B3GALNT2: variants seen among roughly 807,000 people sequenced by gnomAD.
B3GALNT2 encodes UDP-GalNAc:beta-1,3-N-acetylgalactosaminyltransferase 2.
A neutral mutation model predicts 61.1 loss-of-function variants in B3GALNT2; 53 were observed. The ratio of observed to expected loss-of-function variants is 0.87; its 90% CI spans 0.70 to 1.09. The LOEUF (loss-of-function observed/expected upper bound fraction) is 1.09, where lower values mean the gene tolerates loss of function less well. Ranked by LOEUF, B3GALNT2 falls within the 50% of genes least tolerant of loss-of-function variation. The pLI is 0.00. For synonymous variants in B3GALNT2, 223 were observed against 237.4 expected, an observed-to-expected ratio of 0.94 and a Z score of 0.56; for missense variants, 544 against 623.0, an observed-to-expected ratio of 0.87 and a Z score of 1.35.
chr1:235,446,797 A>C (rs1171092436), downstream of B3GALNT2, among the ~76,000 whole-genome samples: 1 of 151,018 alleles, frequency 6.6e-6, no homozygotes, highest in East Asian at 2.0e-4. Flanking sequence ...TCCTGGGCTC[A>C]AGTGATCCTC....
chr1:235,453,549 G>A (rs1683027408), intron 10 of B3GALNT2, among the ~76,000 whole-genome samples: 1 of 152,014 alleles, frequency 6.6e-6, no homozygotes, highest in East Asian at 1.9e-4. Context: ...TCCGCCTCCG[G>A]GTTCACATGA....
At chr1:235,479,792 G>T in intron 5 of B3GALNT2, 1 of 329,968 alleles carries the variant, frequency 3.0e-6, no homozygotes, top group Non-Finnish European at 5.5e-6. Flanking sequence ...CAATTGTGTA[G>T]TTCTCTACTC....
intron 11 of B3GALNT2, 58 bp downstream of exon 11, chr1:235,453,032 A>AT: frequency 7.0e-7 from 1 of 1,434,640 alleles, no homozygotes; most frequent in East Asian, 2.3e-5. Context: ...CTCAACCTGT[A>AT]TATAGAAATC....
chr1:235,454,443 T>C (rs1683071804), intron 9 of B3GALNT2, 128 bp from the exon 10 acceptor site: 2 of 1,039,348 alleles, frequency 1.9e-6, no homozygotes, highest in Non-Finnish European at 2.7e-6. Context: ...AATAAGAAAA[T>C]TTCTTTTTTT....
At chr1:235,462,892 G>T (rs138659806) in intron 7 of B3GALNT2, among the ~76,000 whole-genome samples, 1 of 152,272 alleles carries the variant, frequency 6.6e-6, no homozygotes, top group Non-Finnish European at 1.5e-5. Flanking sequence ...ATCCCATTAG[G>T]AAAGTAAGTC....
chr1:235,441,948 G>T, the B3GALNT2 span: 1 of 1,424,848 alleles, frequency 7.0e-7, no homozygotes. Context: ...CAGTTAGTGT[G>T]TTTCTCTTAA....
chr1:235,474,287 G>A, intron 5 of B3GALNT2, among the ~76,000 whole-genome samples: 2 of 152,018 alleles, frequency 1.3e-5, no homozygotes, highest in East Asian at 1.9e-4. Context: ...AATAAAAGTT[G>A]GGAAAAAATA....
chr1:235,480,397 C>A (rs1205483490), intron 4 of B3GALNT2, among the ~76,000 whole-genome samples: 1 of 151,216 alleles, frequency 6.6e-6, no homozygotes, highest in Non-Finnish European at 1.5e-5. Context: ...ATCCACATAA[C>A]CTTAAAAAAA....
At chr1:235,483,833 C>A (rs770143084) in intron 4 of B3GALNT2, among the ~76,000 whole-genome samples, 1 of 152,178 alleles carries the variant, frequency 6.6e-6, no homozygotes, top group Non-Finnish European at 1.5e-5. Flanking sequence ...GTGAACAAAT[C>A]AGATTTCCCT....
chr1:235,478,956 T>A (rs1283639537), intron 5 of B3GALNT2: 3 of 152,234 alleles, frequency 2.0e-5, no homozygotes, highest in Non-Finnish European at 2.9e-5. Flanking sequence ...TTGTTTTTTT[T>A]AATTTATTTT....
Position 235,447,522 on chromosome 1 carries a change from A to G in B3GALNT2, c.*2684T>C, listed in dbSNP as rs918570205. Among the ~76,000 whole-genome samples the G allele has an allele frequency of 6.6e-6, 1 of 152,238 alleles. No homozygotes were observed. The highest frequency in any genetic ancestry group is 1.5e-5 in the Non-Finnish European group (1 of 68,040). On this transcript the variant is annotated 3_prime_UTR_variant, in exon 12 of 12. Transcript: ENST00000366600. ...TTGTGTATGTTTAATACAGTTACAC[A>G]TGATGTAATTACAGAATGGCGGCGC...
chr1:235,493,523 A>C (rs987768992), intron 2 of B3GALNT2, among the ~76,000 whole-genome samples: 2 of 152,174 alleles, frequency 1.3e-5, no homozygotes, highest in African/African-American at 4.8e-5. Context: ...CACGCTTGTA[A>C]TCCCAGCACT....
chr1:235,502,304 C>T (rs1340292189), intron 1 of B3GALNT2, among the ~76,000 whole-genome samples: 1 of 152,200 alleles, frequency 6.6e-6, no homozygotes, highest in Non-Finnish European at 1.5e-5. Context: ...TGAGGCACCG[C>T]GCCGGGCCAG....
intron 9 of B3GALNT2, among the ~76,000 whole-genome samples, chr1:235,454,826 A>G (rs938144114): frequency 6.6e-6 from 1 of 152,200 alleles, no homozygotes; most frequent in African/African-American, 2.4e-5. Context: ...AATTTTCTCA[A>G]AGTTGCATTT....
At chr1:235,454,959 C>T (rs1683095082) in intron 9 of B3GALNT2, among the ~76,000 whole-genome samples, 1 of 152,088 alleles carries the variant, frequency 6.6e-6, no homozygotes, top group Non-Finnish European at 1.5e-5. Flanking sequence ...GTTTCAGAGA[C>T]GTGTCACAAA....
At position 235,484,477 on chromosome 1, in the gene B3GALNT2, C is replaced by G. The variant is rs370993648; in HGVS notation, c.400G>C (p.Asp134His). The G allele has an allele frequency of 2.7e-5, 44 of 1,614,174 alleles. 1 individual carries two copies. The African/African-American group carries it at 5.3e-4, about 20-fold the overall frequency. ...TCCTCAGGCAGCCCCGATGAAGTGTCTTCGGACAGACTGAACGCTTCAATT... is the reference window on the plus strand; with the variant it reads ...TCCTCAGGCAGCCCCGATGAAGTGTGTTCGGACAGACTGAACGCTTCAATT... ...QEIEAFSLSE[D>H]TSSGLPEDRV... is the part of the protein sequence containing the mutation. Residue 134 changes from aspartate to histidine, a missense_variant, in exon 4 of 12, where the codon GAC becomes CAC. Asp to His is a moderately conservative substitution (Grantham distance 81, BLOSUM62 -1). Coordinates refer to ENST00000366600, the MANE Select transcript of B3GALNT2 (RefSeq NM_152490.5).
rs1316593040 is a variant in B3GALNT2, at chr1:235,447,257, A to G, written c.*2949T>C. On this transcript the variant is annotated 3_prime_UTR_variant, in exon 12 of 12. Coordinates refer to ENST00000366600, the MANE Select transcript of B3GALNT2 (RefSeq NM_152490.5). ...AACATTTATTATCACAAGTTGGATAAAAACACACAGCTTTTACAAAAATGA... is the reference window on the plus strand; with the variant it reads ...AACATTTATTATCACAAGTTGGATAGAAACACACAGCTTTTACAAAAATGA... 6.6e-6 allele frequency among the ~76,000 whole-genome samples: 1 copy of G among 152,234 alleles called. No homozygotes were observed. The highest frequency in any genetic ancestry group is 1.5e-5 in the Non-Finnish European group (1 of 68,038).
At chr1:235,442,726 C>T (rs1159413258), downstream of B3GALNT2, 1 of 835,218 alleles carries the variant, frequency 1.2e-6, no homozygotes. Flanking sequence ...GAATTTTAAA[C>T]ATTGATTAGA....
At chr1:235,467,431 G>A (rs113908929) in intron 6 of B3GALNT2, among the ~76,000 whole-genome samples, 2,445 of 150,714 alleles carry the variant, frequency 0.016, 20 homozygotes, top group Middle Eastern at 0.038. Context: ...AGATTCCAAC[G>A]TTGTAGTTCC....
Sources: gnomAD v4.1 joint callset for allele counts (sites outside exome capture counted in the v4.1 genomes callset) on GRCh38, gnomAD v4.1.1 for gene constraint, MANE v1.5 for transcripts, NCBI Gene and HGNC (gene_info 2026-07-23, HGNC 2026-07-21) for gene names.